CXCL13: variants seen among roughly 807,000 people sequenced by gnomAD.
CXCL13 encodes the protein C-X-C motif chemokine ligand 13.
A neutral mutation model predicts 12.2 loss-of-function variants in CXCL13; 7 were observed. The ratio of observed to expected loss-of-function variants is 0.57; its 90% CI spans 0.33 to 1.07. The LOEUF is 1.07. Ranked by LOEUF, CXCL13 falls within the 50% of genes least tolerant of loss-of-function variation. The pLI is 0.04. For missense variants in CXCL13, 113 were observed against 127.4 expected, an observed-to-expected ratio of 0.89 and a Z score of 0.55; for synonymous variants, 47 against 42.4, an observed-to-expected ratio of 1.11 and a Z score of -0.42.
At chr4:77,580,762 C>T (rs1292133547) in intron 1 of CXCL13, among the ~76,000 whole-genome samples, 1 of 112,008 alleles carries the variant, frequency 8.9e-6, no homozygotes, top group African/African-American at 3.4e-5. Context: ...CTCCCCTCCT[C>T]TCCCTCCTTC....
chr4:77,573,359 CTT>C (rs1299273450), intron 1 of CXCL13, among the ~76,000 whole-genome samples: 46 of 125,446 alleles, frequency 3.7e-4, no homozygotes, highest in African/African-American at 1.3e-3. Context: ...GCTATTGGGT[CTT>C]TTGTGTGTGT....
At chr4:77,561,953 G>A (rs1725825625) in intron 1 of CXCL13, among the ~76,000 whole-genome samples, 1 of 152,214 alleles carries the variant, frequency 6.6e-6, no homozygotes, top group Non-Finnish European at 1.5e-5. Flanking sequence ...TTCTGGGTGG[G>A]TGTGGGCTTG....
At chr4:77,543,009 G>C (rs1191870391) in intron 1 of CXCL13, among the ~76,000 whole-genome samples, 1 of 152,084 alleles carries the variant, frequency 6.6e-6, no homozygotes, top group Non-Finnish European at 1.5e-5. Flanking sequence ...TTCTCAGTTG[G>C]TAGGTTTTTT....
intron 1 of CXCL13, among the ~76,000 whole-genome samples, chr4:77,576,996 C>T (rs531747414): frequency 4.6e-5 from 7 of 152,194 alleles, no homozygotes; most frequent in East Asian, 1.9e-4. Flanking sequence ...TGCTTATTCC[C>T]GTGAACAATC....
intron 1 of CXCL13, among the ~76,000 whole-genome samples, chr4:77,583,371 TG>T (rs1224640297): frequency 1.3e-5 from 2 of 152,206 alleles, no homozygotes; most frequent in African/African-American, 4.8e-5. Flanking sequence ...GTTCTCTTCT[TG>T]CTCCCTTACT....
At chr4:77,560,608 AG>A (rs1389484974) in intron 1 of CXCL13, among the ~76,000 whole-genome samples, 1 of 152,224 alleles carries the variant, frequency 6.6e-6, no homozygotes, top group African/African-American at 2.4e-5. Flanking sequence ...TAGGTATTCC[AG>A]ACCAGAATAG....
chr4:77,608,675 T>G (rs1727066461), intron 2 of CXCL13, among the ~76,000 whole-genome samples: 1 of 152,226 alleles, frequency 6.6e-6, no homozygotes, highest in Non-Finnish European at 1.5e-5. Context: ...CTTGGGGCCT[T>G]GGACCAGTTG....
chr4:77,524,079 C>T (rs930212299), intron 1 of CXCL13, among the ~76,000 whole-genome samples: 1 of 152,024 alleles, frequency 6.6e-6, no homozygotes, highest in Non-Finnish European at 1.5e-5. Context: ...GCAAATATTG[C>T]TGCCTGATCC....
intron 1 of CXCL13, among the ~76,000 whole-genome samples, chr4:77,568,311 A>G (rs1319403743): frequency 6.6e-6 from 1 of 152,178 alleles, no homozygotes; most frequent in East Asian, 1.9e-4. Context: ...CTAGCTTGAT[A>G]GCCTGTTTGC....
At chr4:77,518,700 A>AT (rs1336052104) in intron 1 of CXCL13, among the ~76,000 whole-genome samples, 2 of 151,920 alleles carry the variant, frequency 1.3e-5, no homozygotes, top group Non-Finnish European at 2.9e-5. Context: ...ATTCGTCTAA[A>AT]TTTTTTTCTA....
At chr4:77,538,186 G>A (rs1476722014) in intron 1 of CXCL13, among the ~76,000 whole-genome samples, 1 of 152,134 alleles carries the variant, frequency 6.6e-6, no homozygotes, top group Non-Finnish European at 1.5e-5. Context: ...GAAGTCTTTG[G>A]GTTGCAATGA....
At chr4:77,520,115 T>C (rs563482818) in intron 1 of CXCL13, among the ~76,000 whole-genome samples, 37 of 152,328 alleles carry the variant, frequency 2.4e-4, no homozygotes, top group Admixed American at 1.4e-3. Flanking sequence ...TTGGATACTG[T>C]AGCCTTGTAG....
chr4:77,547,636 T>C (rs1044998716), intron 1 of CXCL13, among the ~76,000 whole-genome samples: 5 of 152,170 alleles, frequency 3.3e-5, no homozygotes, highest in Admixed American at 6.5e-5. Context: ...TCTGTGCACT[T>C]GAGATGGGTT....
At chr4:77,599,824 T>C (rs1042973381) in intron 1 of CXCL13, among the ~76,000 whole-genome samples, 2 of 152,062 alleles carry the variant, frequency 1.3e-5, no homozygotes, top group African/African-American at 4.8e-5. Context: ...GGATTGGGGA[T>C]GGGAAAAGAG....
intron 1 of CXCL13, among the ~76,000 whole-genome samples, chr4:77,532,437 C>T (rs1490498372): frequency 2.0e-5 from 3 of 152,202 alleles, no homozygotes; most frequent in Non-Finnish European, 1.5e-5. Context: ...ATGGGCTTCC[C>T]TTTGTGGGTA....
intron 1 of CXCL13, among the ~76,000 whole-genome samples, chr4:77,561,784 G>C (rs1214049440): frequency 6.6e-6 from 1 of 152,194 alleles, no homozygotes; most frequent in Non-Finnish European, 1.5e-5. Flanking sequence ...GCACACTCTG[G>C]CAGCACTTGA....
At chr4:77,531,789 A>C (rs1333816231) in intron 1 of CXCL13, among the ~76,000 whole-genome samples, 1 of 151,980 alleles carries the variant, frequency 6.6e-6, no homozygotes, top group Non-Finnish European at 1.5e-5. Flanking sequence ...TGATCCCTTT[A>C]CCATTATGTA....
At chr4:77,585,346 A>T (rs1266605544) in intron 1 of CXCL13, among the ~76,000 whole-genome samples, 5 of 152,198 alleles carry the variant, frequency 3.3e-5, no homozygotes, top group Non-Finnish European at 7.3e-5. Flanking sequence ...ATTGCAAACG[A>T]TGTTTATTTA....
At chr4:77,515,586 A>C (rs906386812) in intron 1 of CXCL13, among the ~76,000 whole-genome samples, 9 of 152,226 alleles carry the variant, frequency 5.9e-5, no homozygotes, top group East Asian at 1.9e-4. Context: ...ATGGGAGTTC[A>C]CTCATGATTT....
Sources: gnomAD v4.1 joint callset for allele counts (sites outside exome capture counted in the v4.1 genomes callset) on GRCh38, gnomAD v4.1.1 for gene constraint, MANE v1.5 for transcripts, NCBI Gene and HGNC (gene_info 2026-07-23, HGNC 2026-07-21) for gene names.